The following VPS53 variants were observed in gnomAD, a reference collection of about 807,000 sequenced individuals.
VPS53 encodes VPS53 subunit of GARP complex.
VPS53 carries 70 observed loss-of-function variants against 107.0 expected under a neutral mutation model. The observed-to-expected ratio is 0.65, with a 90% CI of 0.54 to 0.80. The LOEUF (loss-of-function observed/expected upper bound fraction) is 0.80. Among genes scored for constraint, VPS53 ranks in the 30% least tolerant of loss-of-function variants. VPS53 has a pLI of 0.00. For missense variants in VPS53, 917 were observed against 1,049.4 expected (o/e 0.87, Z 1.74); for synonymous variants, 409 against 393.3 (o/e 1.04, Z -0.47).
rs61221260 is a variant in VPS53 at position 639,992 on chromosome 17, C to A, written c.609-8364G>T. Among the ~76,000 whole-genome samples, 400 of 152,248 alleles carry A rather than the reference C, an allele frequency of 2.6e-3. 3 individuals are homozygous for A. The highest frequency in any genetic ancestry group is 9.3e-3 in the African/African-American group (387 of 41,542). ...CCTTTTGTTTGGCTATGCCCTGCCC[C>A]CAGAGGTGGAGTCTACAGAGGCAGG... On this transcript the variant is annotated intron_variant, in intron 7 of 21. Coordinates refer to ENST00000437048, the MANE Select transcript of VPS53 (RefSeq NM_001128159.3).
intron 19 of VPS53, among the ~76,000 whole-genome samples, chr17:529,449 T>C (rs754020596): frequency 7.9e-5 from 12 of 152,162 alleles, no homozygotes; most frequent in African/African-American, 1.4e-4. Context: ...ACTGTATCTA[T>C]AGATAAATTG....
intron 4 of VPS53, among the ~76,000 whole-genome samples, chr17:696,339 T>C (rs1333988435): frequency 6.6e-6 from 1 of 152,156 alleles, no homozygotes; most frequent in Non-Finnish European, 1.5e-5. Flanking sequence ...GAAACAGAAA[T>C]ATCAGAGATC....
chr17:574,257 G>A lies in VPS53; in HGVS notation c.1314-11512C>T, dbSNP rs115852258. On this transcript the variant is annotated intron_variant, in intron 13 of 21. Coordinates refer to ENST00000437048, the MANE Select transcript of VPS53 (RefSeq NM_001128159.3). ...AGTGAGGCCAAACAGCAGGGTAAGT[G>A]GCCAGCACTTCATTTTTCACAGGAA... Among the ~76,000 whole-genome samples the A allele has an allele frequency of 9.3e-4, 142 of 152,276 alleles. 2 individuals are homozygous for A. The highest frequency in any genetic ancestry group is 3.3e-3 in the African/African-American group (139 of 41,548).
At chr17:521,929 A>G (rs1908793009) in intron 19 of VPS53, among the ~76,000 whole-genome samples, 191 bp from the exon 20 acceptor site, 1 of 152,344 alleles carries the variant, frequency 6.6e-6, no homozygotes, top group South Asian at 2.1e-4. Context: ...AACAACATCA[A>G]GGAGCCAGCC....
intron 18 of VPS53, 122 bp downstream of exon 18, chr17:536,906 T>A (rs1035787804): frequency 1.3e-5 from 16 of 1,245,024 alleles, no homozygotes; most frequent in Non-Finnish European, 1.5e-5. Context: ...GTTGGGGGGG[T>A]CAGGTACACG....
intron 4 of VPS53, among the ~76,000 whole-genome samples, chr17:678,648 A>AC (rs1555580357): frequency 2.1e-5 from 3 of 145,404 alleles, no homozygotes; most frequent in African/African-American, 5.1e-5. Context: ...ATATATATAT[A>AC]TATTTTTTTG....
intron 5 of VPS53, chr17:657,598 G>GA: frequency 1.3e-6 from 1 of 756,010 alleles, no homozygotes. Flanking sequence ...TGCACATAGC[G>GA]AAAGTTTCTT....
chr17:620,386 A>G (rs151168301), intron 11 of VPS53, among the ~76,000 whole-genome samples: 2 of 152,244 alleles, frequency 1.3e-5, no homozygotes, highest in Non-Finnish European at 2.9e-5. Context: ...TCAGGGTTTT[A>G]GGACCAGAAG....
At chr17:591,814 T>C (rs954893430) in intron 12 of VPS53, among the ~76,000 whole-genome samples, 2 of 152,164 alleles carry the variant, frequency 1.3e-5, no homozygotes, top group Admixed American at 6.5e-5. Context: ...AATTTTGGAA[T>C]AGATGTGGTG....
In VPS53 at chr17:519,089, G is replaced by A; in HGVS notation, c.*39C>T. The A allele has an allele frequency of 2.0e-6, 3 of 1,466,670 alleles. No individual in the cohort carries two copies. Among genetic ancestry groups the A allele is most frequent in the Non-Finnish European group, 2.7e-6 (3 of 1,104,742 alleles). 90.9% of individuals were successfully genotyped at this position (1,466,670 alleles called of 1,614,324 possible). ...TGGGGGCTTCTGGGGAACGGGCGCT[G>A]AGGGTCTCCAGCCAGGAGCAAAGGG... On this transcript the variant is annotated 3_prime_UTR_variant, in exon 22 of 22. Transcript: ENST00000437048. The surrounding 1 kb of genome is among the most constrained non-coding windows in gnomAD (Gnocchi z 5.0).
chr17:584,741 G>A (rs1967224853), intron 13 of VPS53, among the ~76,000 whole-genome samples: 1 of 152,060 alleles, frequency 6.6e-6, no homozygotes, highest in Admixed American at 6.6e-5. Context: ...TGCCCAGGCT[G>A]GTCTTGAATC....
At chr17:567,799 C>T (rs369580693) in intron 13 of VPS53, among the ~76,000 whole-genome samples, 1 of 150,846 alleles carries the variant, frequency 6.6e-6, no homozygotes, top group Non-Finnish European at 1.5e-5. Context: ...TGAGGGAGGA[C>T]GATCATTTGA....
chr17:677,838 G>A (rs887519204), intron 4 of VPS53, among the ~76,000 whole-genome samples: 2 of 152,086 alleles, frequency 1.3e-5, no homozygotes, highest in Non-Finnish European at 2.9e-5. Context: ...AAAAAAACCA[G>A]GCCAGGTGTG....
At chr17:597,020 T>C (rs1968007479) in intron 12 of VPS53, among the ~76,000 whole-genome samples, 1 of 152,238 alleles carries the variant, frequency 6.6e-6, no homozygotes, top group Non-Finnish European at 1.5e-5. Flanking sequence ...TCCTTATTTC[T>C]GCTCCTTTCT....
intron 13 of VPS53, among the ~76,000 whole-genome samples, chr17:577,725 C>A (rs1914752937): frequency 6.6e-6 from 1 of 151,760 alleles, no homozygotes; most frequent in African/African-American, 2.4e-5. Context: ...GTAATTCATT[C>A]CCAGAGAACT....
In VPS53 at chr17:592,919, T is replaced by A. The variant is rs1433505715; in HGVS notation, c.1219-6555A>T. ...TGTGGCGTTCTCTGTATTTCCTGAA[T>A]CTGAATGTTGGCCTGCCTTGCTAGA... On this transcript the variant is annotated intron_variant, in intron 12 of 21. Transcript: ENST00000437048. Among the ~76,000 whole-genome samples, 21 of 152,338 alleles carry A rather than the reference T, an allele frequency of 1.4e-4. No homozygotes were observed. The Middle Eastern group carries it at 0.031, about 222-fold the overall frequency.
At chr17:574,508 T>C (rs1193464209) in intron 13 of VPS53, among the ~76,000 whole-genome samples, 1 of 152,160 alleles carries the variant, frequency 6.6e-6, no homozygotes, top group East Asian at 1.9e-4. Context: ...CTCATGCCTG[T>C]AATCCCAGCA....
At chr17:537,821 T>G (rs548165990) in intron 17 of VPS53, 1 of 152,272 alleles carries the variant, frequency 6.6e-6, no homozygotes, top group African/African-American at 2.4e-5. Flanking sequence ...ATTCAAAAAT[T>G]TCCATAATAA....
rs556344174 is a variant in VPS53 at position 713,223 on chromosome 17, G to A, written c.87+1400C>T. ...TCTCAAAAAAAAAAAGTTTCCCAGGGGTCATTAAATAAGGCATAATGGAAT... is the reference window on the plus strand; with the variant it reads ...TCTCAAAAAAAAAAAGTTTCCCAGGAGTCATTAAATAAGGCATAATGGAAT... On this transcript the variant is annotated intron_variant, in intron 1 of 21. Coordinates refer to ENST00000437048, the MANE Select transcript of VPS53 (RefSeq NM_001128159.3). Among the ~76,000 whole-genome samples, 13 of 151,988 alleles carry A rather than the reference G, an allele frequency of 8.6e-5. No homozygotes were observed. The South Asian group carries it at 1.9e-3, about 22-fold the overall frequency.
Sources: gnomAD v4.1 joint callset for allele counts (sites outside exome capture counted in the v4.1 genomes callset) on GRCh38, gnomAD v4.1.1 for gene constraint, Gnocchi (gnomAD v3.1) non-coding constraint, MANE v1.5 for transcripts, NCBI Gene and HGNC (gene_info 2026-07-23, HGNC 2026-07-21) for gene names.